Variants in ACOT9 observed in about 807,000 individuals in gnomAD.
ACOT9 encodes the protein acyl-CoA thioesterase 9.
A neutral mutation model predicts 39.7 loss-of-function variants in ACOT9; 34 were observed. The ratio of observed to expected loss-of-function variants is 0.86; its 90% CI spans 0.65 to 1.14. ACOT9 has a LOEUF of 1.14. Ranked by LOEUF, ACOT9 falls within the 50% of genes most tolerant of loss-of-function variation. ACOT9 has a pLI of 0.00. For synonymous variants in ACOT9, 110 were observed against 120.5 expected (o/e 0.91, Z 0.57); for missense variants, 313 against 344.1 (o/e 0.91, Z 0.71).
At chrX:23,714,790 A>G (rs1929020925) in intron 8 of ACOT9, among the ~76,000 whole-genome samples, 1 of 110,015 alleles carries the variant, frequency 9.1e-6, no homozygotes, top group African/African-American at 3.3e-5. Flanking sequence ...ACACCCAGCT[A>G]ATTTTTGTAG....
intron 4 of ACOT9, among the ~76,000 whole-genome samples, chrX:23,731,563 A>G (rs910387090): frequency 9.0e-6 from 1 of 110,907 alleles, no homozygotes; most frequent in Non-Finnish European, 1.9e-5. Flanking sequence ...GTTTACTCAA[A>G]GACCAGAATA....
In ACOT9 at chrX:23,723,599, C is replaced by CAA. The variant is rs34401071; in HGVS notation, c.401-848_401-847dup. 1.3e-3 allele frequency among the ~76,000 whole-genome samples: 68 copies of CAA among 54,292 alleles called. 1 individual carries two copies. The highest frequency in any genetic ancestry group is 5.2e-3 in the East Asian group (8 of 1,537). 47.1% of individuals were successfully genotyped at this position (54,292 alleles called of 115,157 possible). A position where few individuals can be genotyped will look rare whatever the true frequency, so the allele number is the denominator to read the frequency against. On this transcript the variant is annotated intron_variant, in intron 6 of 15. Transcript: ENST00000379303. ...GCCTGGCAACAGAGCAAGACTGTCT[C>CAA]AAAAAAAAAAAAAAAAAAAAAAAAG... is the stretch of plus-strand genomic sequence containing the variant.
intron 6 of ACOT9, among the ~76,000 whole-genome samples, chrX:23,726,440 C>T (rs1178055721): frequency 9.1e-6 from 1 of 110,019 alleles, no homozygotes; most frequent in Non-Finnish European, 1.9e-5. Context: ...TGAAAAGTAT[C>T]CATTCAACTG....
chrX:23,735,240 CAAAAAAAAAAAAAAA>C (rs35950361), intron 2 of ACOT9, among the ~76,000 whole-genome samples: 37 of 29,169 alleles, frequency 1.3e-3, no homozygotes, highest in African/African-American at 3.7e-3. Context: ...GACTCCATCC[CAAAAAAAAAAAAAAA>C]AAAAAAAAAA....
rs56378612 is a variant in ACOT9, at chrX:23,705,594, C to T, written c.934G>A (p.Glu312Lys). The T allele has an allele frequency of 8.3e-7, 1 of 1,204,095 alleles. No individual in the cohort carries two copies. Among genetic ancestry groups the T allele is most frequent in the Non-Finnish European group, 1.1e-6 (1 of 891,119 alleles). Residue 312 changes from glutamate to lysine, a missense_variant and splice_region_variant, in exon 13 of 16, where the codon GAG (glutamate) becomes AAG (lysine). By Grantham distance (56) the Glu-to-Lys change is moderately conservative. Coordinates refer to ENST00000379303, the MANE Select transcript of ACOT9 (RefSeq NM_001037171.2). Reference protein sequence around the residue: ...LKSLEICHPQERNIFNRIFGG... With the variant: ...LKSLEICHPQKRNIFNRIFGG... The stretch of plus-strand genomic sequence containing the variant: ...AAGATCCGATTGAAAATGTTCCGCT[C>T]CTACAGGACATAAATAAATATCAAT...
intron 15 of ACOT9, among the ~76,000 whole-genome samples, 195 bp from the exon 16 acceptor site, chrX:23,704,177 T>TG (rs1928582938): frequency 1.1e-5 from 1 of 94,894 alleles, no homozygotes; most frequent in Non-Finnish European, 2.1e-5. Context: ...TTTTTTTTTT[T>TG]TTTTTTTTTT....
At chrX:23,710,346 G>A (rs1450269459) in intron 9 of ACOT9, among the ~76,000 whole-genome samples, 3 of 111,834 alleles carry the variant, frequency 2.7e-5, no homozygotes, top group African/African-American at 9.7e-5. Context: ...GGACTACTTG[G>A]AGAAATGGCT....
intron 8 of ACOT9, among the ~76,000 whole-genome samples, chrX:23,715,851 T>C (rs1330777242): frequency 8.9e-6 from 1 of 112,087 alleles, no homozygotes; most frequent in African/African-American, 3.2e-5. Flanking sequence ...TAGGCACTAC[T>C]AGAATGTCAA....
intron 6 of ACOT9, among the ~76,000 whole-genome samples, chrX:23,725,694 C>T (rs1250861458): frequency 1.9e-5 from 2 of 106,796 alleles, no homozygotes; most frequent in East Asian, 6.0e-4. Flanking sequence ...GGTGTGCACC[C>T]GTAGTCCCAG....
At chrX:23,737,872 C>CTTTT (rs761904560) in intron 1 of ACOT9, among the ~76,000 whole-genome samples, 12 of 75,204 alleles carry the variant, frequency 1.6e-4, no homozygotes, top group Non-Finnish European at 1.9e-4. Context: ...TAATATTTGT[C>CTTTT]TTTTTTTTTT....
chrX:23,718,052 C>A (rs912447837), intron 8 of ACOT9, among the ~76,000 whole-genome samples: 1 of 104,382 alleles, frequency 9.6e-6, no homozygotes, highest in Admixed American at 1.1e-4. Context: ...CATGCCACTG[C>A]ACTCCAGCCT....
chrX:23,720,999 A>G (rs1205638187), intron 8 of ACOT9, among the ~76,000 whole-genome samples: 5 of 111,765 alleles, frequency 4.5e-5, no homozygotes, highest in African/African-American at 1.6e-4. Context: ...GCATTTGGGG[A>G]GGCTAAGGTG....
At chrX:23,705,177 C>A in intron 13 of ACOT9, 97 bp from the exon 14 acceptor site, 2 of 789,793 alleles carry the variant, frequency 2.5e-6, no homozygotes, top group Non-Finnish European at 1.9e-6. Context: ...TAAAAATGAA[C>A]GAAGAATAAA....
rs774413488 is a variant in ACOT9, at chrX:23,705,591, G to A, written c.937C>T (p.Arg313Trp). The A allele has an allele frequency of 1.7e-6, 2 of 1,203,933 alleles. No individual in the cohort carries two copies. Among genetic ancestry groups the A allele is most frequent in the African/African-American group, 3.5e-5 (2 of 56,927 alleles). The change falls in exon 13 of 16, where the codon CGG becomes TGG. Residue 313 changes from arginine to tryptophan, a missense_variant. Physicochemically the swap from Arg to Trp is moderately radical, Grantham distance 101. Coordinates refer to ENST00000379303, the MANE Select transcript of ACOT9 (RefSeq NM_001037171.2). ...CCAAAGATCCGATTGAAAATGTTCC[G>A]CTCCTACAGGACATAAATAAATATC... ...KSLEICHPQE[R>W]NIFNRIFGGF...
In ACOT9 at chrX:23,743,268, C is replaced by G; in HGVS notation, c.-124G>C. 2 of 911,857 alleles carry G rather than the reference C, an allele frequency of 2.2e-6. No individual in the cohort carries two copies. Among genetic ancestry groups the G allele is most frequent in the Non-Finnish European group, 2.9e-6 (2 of 692,153 alleles). The allele number at this position is 911,857 out of a possible 1,213,427, so 75.1% of individuals were successfully genotyped here. A position where few individuals can be genotyped will look rare whatever the true frequency, so the allele number is the denominator to read the frequency against. On this transcript the variant is annotated 5_prime_UTR_variant, in exon 1 of 16. Coordinates refer to ENST00000379303, the MANE Select transcript of ACOT9 (RefSeq NM_001037171.2). ...GCCCTTGCTGAGGACAGCCCGGGAG[C>G]CGGACAGCGGTGTCCGGGGGCGGGA...
In ACOT9 at chrX:23,705,771, AG is replaced by A. The variant is rs1473972089; in HGVS notation, c.929del (p.Pro310LeufsTer16). The A allele has an allele frequency of 8.3e-7, 1 of 1,203,366 alleles. No individual in the cohort carries two copies. Among genetic ancestry groups the A allele is most frequent in the Non-Finnish European group, 1.1e-6 (1 of 888,940 alleles). On this transcript the variant is annotated frameshift_variant, in exon 12 of 16. Coordinates refer to ENST00000379303, the MANE Select transcript of ACOT9 (RefSeq NM_001037171.2). LOFTEE classifies it high-confidence loss of function. ...SKLKSLEICHPQERNIFNRIF... is the reference protein window; with the variant it reads ...SKLKSLEICHXQERNIFNRIF... ...ATTTCTCACTAAATTATAATACCTG[AG>A]GGTGGCAAATTTCCAAACTCTTCAG...
chrX:23,735,736 G>C, intron 2 of ACOT9, 183 bp downstream of exon 2: 1 of 337,192 alleles, frequency 3.0e-6, no homozygotes. Flanking sequence ...ATCTGAATGT[G>C]ACTTCTATCT....
chrX:23,713,036 C>T, intron 9 of ACOT9, 99 bp downstream of exon 9: 1 of 658,455 alleles, frequency 1.5e-6, no homozygotes, highest in East Asian at 3.6e-5. Flanking sequence ...CTGTTACGTC[C>T]AAGTGATAGG....
At chrX:23,740,871 T>C (rs990297344) in intron 1 of ACOT9, among the ~76,000 whole-genome samples, 2 of 110,042 alleles carry the variant, frequency 1.8e-5, no homozygotes, top group Admixed American at 2.0e-4. Flanking sequence ...GTCTTACTTA[T>C]AGCAAAACCT....
Sources: gnomAD v4.1 joint callset for allele counts (sites outside exome capture counted in the v4.1 genomes callset) on GRCh38, gnomAD v4.1.1 for gene constraint, MANE v1.5 for transcripts, NCBI Gene and HGNC (gene_info 2026-07-23, HGNC 2026-07-21) for gene names.